FHIP1A: variants seen among roughly 807,000 people sequenced by gnomAD.
The protein encoded by FHIP1A is FHF complex subunit HOOK-interacting protein 1A.
In FHIP1A, 61 loss-of-function variants were observed where a neutral mutation model predicts 88.6. The observed-to-expected ratio is 0.69, with a 90% CI of 0.56 to 0.85. FHIP1A has a LOEUF of 0.85. Ranked by LOEUF, FHIP1A falls within the 40% of genes least tolerant of loss-of-function variation. The pLI, the probability that FHIP1A is intolerant of heterozygous loss-of-function variation, is 0.00. For missense variants in FHIP1A, 1,154 were observed against 1,273.5 expected (o/e 0.91, Z 1.43); for synonymous variants, 478 against 496.0 (o/e 0.96, Z 0.48).
At chr4:151,578,853 C>T (rs945692580) in intron 5 of FHIP1A, among the ~76,000 whole-genome samples, 3 of 152,064 alleles carry the variant, frequency 2.0e-5, no homozygotes, top group Admixed American at 2.0e-4. Context: ...ACCAAGATGT[C>T]CTTTAGCAGG....
At chr4:151,467,770 G>A (rs1466454106) in intron 2 of FHIP1A, among the ~76,000 whole-genome samples, 1 of 152,060 alleles carries the variant, frequency 6.6e-6, no homozygotes, top group Non-Finnish European at 1.5e-5. Context: ...ATAATTGGGT[G>A]TTGAACAATG....
At position 151,668,354 on chromosome 4, in the gene FHIP1A, GCTGTGTC is replaced by G. The variant is rs1246261164; in HGVS notation, c.*5604_*5610del. Among the ~76,000 whole-genome samples the G allele has an allele frequency of 6.6e-6, 1 of 152,168 alleles. No homozygotes were observed. The highest frequency in any genetic ancestry group is 2.4e-5 in the African/African-American group (1 of 41,428). ...ATAAAATAGCGGGTCATGGCCATAA[GCTGTGTC>G]CTGAACTAACCAACTCCAAGCTGAA... is the stretch of plus-strand genomic sequence containing the variant. On this transcript the variant is annotated 3_prime_UTR_variant, in exon 14 of 14. Transcript: ENST00000435205.
intron 1 of FHIP1A, among the ~76,000 whole-genome samples, chr4:151,439,289 A>G (rs1459749686): frequency 6.6e-6 from 1 of 152,150 alleles, no homozygotes; most frequent in Non-Finnish European, 1.5e-5. Flanking sequence ...TGTTGTGGGG[A>G]CTAAAGGAGT....
At chr4:151,586,589 C>T (rs1323174610) in intron 5 of FHIP1A, 52 bp from the exon 6 acceptor site, 7 of 1,440,124 alleles carry the variant, frequency 4.9e-6, no homozygotes, top group Non-Finnish European at 6.6e-6. Context: ...CTGTTAATTG[C>T]AGGTTGAGAA....
intron 5 of FHIP1A, among the ~76,000 whole-genome samples, chr4:151,582,009 C>G (rs769604329): frequency 7.2e-4 from 109 of 152,068 alleles, no homozygotes; most frequent in Non-Finnish European, 1.5e-3. Context: ...ATGACCCTGT[C>G]ACTTTTTTTT....
intron 2 of FHIP1A, 22 bp downstream of exon 2, chr4:151,454,830 T>C (rs1442924490): frequency 6.6e-6 from 1 of 152,170 alleles, no homozygotes; most frequent in Non-Finnish European, 1.5e-5. Flanking sequence ...TATAAATACG[T>C]TCCTTAACTT....
Position 151,577,502 on chromosome 4 carries a change from A to G in FHIP1A, c.158A>G (p.Tyr53Cys), listed in dbSNP as rs1733838118. ...HDPLKNTQAK[Y>C]GSIPPDEASA... ...CCCTTGAAGAACACCCAGGCAAAAT[A>G]TGGGTCTATCCCTCCAGATGAGGCC... The change falls in exon 5 of 14, where the codon TAT becomes TGT. Residue 53 changes from tyrosine to cysteine, a missense_variant. Physicochemically the swap from Tyr to Cys is radical, Grantham distance 194 (BLOSUM62 -2). Coordinates refer to ENST00000435205, the MANE Select transcript of FHIP1A (RefSeq NM_001109977.3). 1.3e-6 allele frequency: 2 copies of G among 1,549,626 alleles called. No individual in the cohort carries two copies. The highest frequency in any genetic ancestry group is 1.7e-6 in the Non-Finnish European group (2 of 1,145,650).
rs138231798 is a variant in FHIP1A at position 151,441,323 on chromosome 4, C to CTT, written c.-355-13366_-355-13365dup. 3.5e-4 allele frequency among the ~76,000 whole-genome samples: 50 copies of CTT among 142,880 alleles called. No homozygotes were observed. The East Asian group carries it at 7.5e-3, about 21-fold the overall frequency. The allele number at this position is 142,880 out of a possible 152,430, so 93.7% of individuals were successfully genotyped here. On this transcript the variant is annotated intron_variant, in intron 1 of 13. Coordinates refer to ENST00000435205, the MANE Select transcript of FHIP1A (RefSeq NM_001109977.3). Reference sequence around the variant, plus strand: ...AAATTCTGAGATCAAGTCCTTTCTACTTTTTTTTTTTTTGTATTAAGATGA... The same window carrying CTT: ...AAATTCTGAGATCAAGTCCTTTCTACTTTTTTTTTTTTTTTGTATTAAGATGA...
chr4:151,617,123 C>A (rs1409109051), intron 7 of FHIP1A, among the ~76,000 whole-genome samples: 4 of 152,104 alleles, frequency 2.6e-5, no homozygotes, highest in African/African-American at 9.7e-5. Flanking sequence ...CCAAGCTCAA[C>A]AAAATGACAA....
chr4:151,650,668 G>A, intron 11 of FHIP1A, 76 bp downstream of exon 11: 1 of 1,460,588 alleles, frequency 6.8e-7, no homozygotes, highest in Admixed American at 2.7e-5. Flanking sequence ...AGGAAGGTAG[G>A]AAAAGGTAAG....
At chr4:151,442,828 A>G (rs1728460486) in intron 1 of FHIP1A, among the ~76,000 whole-genome samples, 1 of 151,998 alleles carries the variant, frequency 6.6e-6, no homozygotes, top group African/African-American at 2.4e-5. Flanking sequence ...TTTGTTATAT[A>G]CTTTGAGAGA....
chr4:151,657,524 G>T (rs1351994036), intron 13 of FHIP1A, among the ~76,000 whole-genome samples: 2 of 152,158 alleles, frequency 1.3e-5, no homozygotes, highest in Non-Finnish European at 2.9e-5. Context: ...GAGCGCTGAG[G>T]ATGGCTGGCC....
At chr4:151,521,962 G>C (rs1731462397) in intron 3 of FHIP1A, among the ~76,000 whole-genome samples, 1 of 152,116 alleles carries the variant, frequency 6.6e-6, no homozygotes, top group Non-Finnish European at 1.5e-5. Flanking sequence ...CTAGGCTCAA[G>C]TGACCCTCCC....
At chr4:151,537,865 CT>C in intron 3 of FHIP1A, among the ~76,000 whole-genome samples, 1 of 152,118 alleles carries the variant, frequency 6.6e-6, no homozygotes, top group Non-Finnish European at 1.5e-5. Flanking sequence ...GCTGTCAGAG[CT>C]TTTCTGAAAT....
intron 6 of FHIP1A, among the ~76,000 whole-genome samples, chr4:151,587,211 T>C (rs1734252359): frequency 6.6e-6 from 1 of 152,216 alleles, no homozygotes; most frequent in Admixed American, 6.5e-5. Flanking sequence ...ACATAAAGAA[T>C]ATTGTTATCC....
intron 3 of FHIP1A, among the ~76,000 whole-genome samples, chr4:151,540,832 C>T (rs1316236341): frequency 6.6e-6 from 1 of 152,196 alleles, no homozygotes; most frequent in African/African-American, 2.4e-5. Flanking sequence ...GCTCCAGGAG[C>T]ATGAGCTTCT....
At chr4:151,536,357 T>A (rs922044388) in intron 3 of FHIP1A, among the ~76,000 whole-genome samples, 1 of 152,198 alleles carries the variant, frequency 6.6e-6, no homozygotes, top group Non-Finnish European at 1.5e-5. Flanking sequence ...TGTGTAAGTT[T>A]GTATATCTAC....
chr4:151,468,128 C>CA (rs1205350426), intron 2 of FHIP1A, among the ~76,000 whole-genome samples: 2 of 150,998 alleles, frequency 1.3e-5, no homozygotes, highest in Admixed American at 6.6e-5. Context: ...ACTAAAAATA[C>CA]AAAAAAATTA....
At position 151,641,822 on chromosome 4, in the gene FHIP1A, T is replaced by TA. The variant is rs1288549914; in HGVS notation, c.1226+3068dup. 6.6e-5 allele frequency among the ~76,000 whole-genome samples: 10 copies of TA among 152,248 alleles called. No homozygotes were observed. In the East Asian group the frequency reaches 1.2e-3, roughly 18 times the overall value. On this transcript the variant is annotated intron_variant, in intron 9 of 13. Coordinates refer to ENST00000435205, the MANE Select transcript of FHIP1A (RefSeq NM_001109977.3). ...TTAAGGGACATAAAAAATAGATTTATAATCTGTCCTTTTTGTTTGTTGCTG... is the reference window on the plus strand; with the variant it reads ...TTAAGGGACATAAAAAATAGATTTATAAATCTGTCCTTTTTGTTTGTTGCTG...
Sources: gnomAD v4.1 joint callset for allele counts (sites outside exome capture counted in the v4.1 genomes callset) on GRCh38, gnomAD v4.1.1 for gene constraint, MANE v1.5 for transcripts, NCBI Gene and HGNC (gene_info 2026-07-23, HGNC 2026-07-21) for gene names.